Variants in RIMBP2 observed in about 807,000 individuals in gnomAD.
RIMBP2 encodes RIMS binding protein 2.
In RIMBP2, 48 loss-of-function variants were observed where a neutral mutation model predicts 118.6. The observed-to-expected ratio is 0.40, with a 90% CI of 0.32 to 0.51. The LOEUF (loss-of-function observed/expected upper bound fraction) is 0.51, where lower values mean the gene tolerates loss of function less well. RIMBP2 is among the 20% of genes least tolerant of loss of function. RIMBP2 has a pLI of 0.41. For missense variants in RIMBP2, 1,551 were observed against 1,768.3 expected, an observed-to-expected ratio of 0.88 and a Z score of 2.20; for synonymous variants, 762 against 742.9, an observed-to-expected ratio of 1.03 and a Z score of -0.42.
At chr12:130,435,572 G>A (rs553083648) in intron 13 of RIMBP2, among the ~76,000 whole-genome samples, 12 of 152,250 alleles carry the variant, frequency 7.9e-5, no homozygotes, top group African/African-American at 2.4e-4. Context: ...CTGCTACCCC[G>A]TCCTGCCCAC....
intron 2 of RIMBP2, among the ~76,000 whole-genome samples, chr12:130,568,695 G>A (rs1435916098): frequency 6.6e-6 from 1 of 152,184 alleles, no homozygotes; most frequent in Non-Finnish European, 1.5e-5. Context: ...TTTGCTTTGA[G>A]ACATCTGTTG....
In RIMBP2 at chr12:130,710,621, TA is replaced by T. The variant is rs140229303; in HGVS notation, c.-352+5600del. Among the ~76,000 whole-genome samples, 1,245 of 152,204 alleles carry T rather than the reference TA, an allele frequency of 8.2e-3. 15 individuals carry two copies. The highest frequency in any genetic ancestry group is 0.028 in the African/African-American group (1,153 of 41,524). On this transcript the variant is annotated intron_variant, in intron 1 of 22. Transcript: ENST00000690449. The surrounding 1 kb of genome is among the most constrained non-coding windows in gnomAD (Gnocchi z 4.3). ...CCTGCCTTCCTGGGTCCCACACAGATAGAGAAGTGGCAGGTGCTGCACCTCC... is the reference window on the plus strand; with the variant it reads ...CCTGCCTTCCTGGGTCCCACACAGATGAGAAGTGGCAGGTGCTGCACCTCC...
chr12:130,419,161 C>A lies in RIMBP2; in HGVS notation c.3238+3292G>T, dbSNP rs191222725. ...TGTCCATGGAAACTTGGCTTCACTGCAGACTGGACTGGGCAGTTGGGGGTC... is the reference window on the plus strand; with the variant it reads ...TGTCCATGGAAACTTGGCTTCACTGAAGACTGGACTGGGCAGTTGGGGGTC... On this transcript the variant is annotated intron_variant, in intron 17 of 22. Coordinates refer to ENST00000690449, the MANE Select transcript of RIMBP2 (RefSeq NM_001393629.1). This position sits in a 1 kb window ranked among gnomAD's most constrained non-coding sequence, Gnocchi z 4.3. Among the ~76,000 whole-genome samples, 6 of 152,300 alleles carry A rather than the reference C, an allele frequency of 3.9e-5. No individual in the cohort carries two copies. Among genetic ancestry groups the A allele is most frequent in the Admixed American group, 3.9e-4 (6 of 15,298 alleles).
chr12:130,574,266 T>TGG (rs150753203), intron 2 of RIMBP2, among the ~76,000 whole-genome samples: 2 of 151,930 alleles, frequency 1.3e-5, no homozygotes, highest in East Asian at 1.9e-4. Flanking sequence ...GCTGTCCTGT[T>TGG]GGGGGGGTGG....
chr12:130,433,940 T>C (rs1211246533), intron 14 of RIMBP2, among the ~76,000 whole-genome samples: 3 of 152,218 alleles, frequency 2.0e-5, no homozygotes, highest in Non-Finnish European at 2.9e-5. Flanking sequence ...CTGAACGATT[T>C]GGATCTTCCA....
chr12:130,555,050 G>C (rs2056212271), intron 2 of RIMBP2, among the ~76,000 whole-genome samples: 1 of 152,176 alleles, frequency 6.6e-6, no homozygotes, highest in South Asian at 2.1e-4. Context: ...CTGTGAAGTA[G>C]GTGCCATCAT....
chr12:130,656,169 C>A (rs932026779), intron 1 of RIMBP2, among the ~76,000 whole-genome samples: 4 of 152,142 alleles, frequency 2.6e-5, no homozygotes, highest in Admixed American at 2.6e-4. Context: ...AGAGAGCGAG[C>A]CTCGGTTTGT....
intron 2 of RIMBP2, among the ~76,000 whole-genome samples, chr12:130,555,533 T>C (rs2056266644): frequency 6.6e-6 from 1 of 152,116 alleles, no homozygotes; most frequent in African/African-American, 2.4e-5. Flanking sequence ...AGAAATATGA[T>C]TATATTATTA....
chr12:130,574,681 C>T (rs556096312), intron 2 of RIMBP2, among the ~76,000 whole-genome samples: 1 of 152,172 alleles, frequency 6.6e-6, no homozygotes, highest in East Asian at 1.9e-4. Context: ...AACAGTGGTC[C>T]CTGGCTTTTC....
intron 20 of RIMBP2, among the ~76,000 whole-genome samples, chr12:130,407,454 G>A (rs1443276564): frequency 6.6e-6 from 1 of 152,194 alleles, no homozygotes; most frequent in Non-Finnish European, 1.5e-5. Context: ...ATTAGATGTG[G>A]ATGACAGATT....
chr12:130,630,011 A>G (rs2061896656), intron 1 of RIMBP2, among the ~76,000 whole-genome samples: 1 of 150,476 alleles, frequency 6.6e-6, no homozygotes, highest in African/African-American at 2.4e-5. Context: ...TCTAACAAGT[A>G]TCTTCAGAAA....
chr12:130,428,203 G>A lies in RIMBP2; in HGVS notation c.2388C>T (p.Ser796=), dbSNP rs147508206. The A allele has an allele frequency of 2.4e-5, 39 of 1,611,994 alleles. No homozygotes were observed. The highest frequency in any genetic ancestry group is 2.7e-5 in the African/African-American group (2 of 74,868). Residue 796 remains serine (S), a synonymous_variant, in exon 15 of 23, where the codon AGC becomes AGT. Coordinates refer to ENST00000690449, the MANE Select transcript of RIMBP2 (RefSeq NM_001393629.1). The part of the protein sequence containing the change: ...QLEDGGRRRP[S]GTSHNALKDC... Reference sequence around the variant, plus strand: ...CCTTGAGGGCATTGTGGGACGTGCCGCTGGGCCGCCTCCTTCCCCCATCTT... The same window carrying A: ...CCTTGAGGGCATTGTGGGACGTGCCACTGGGCCGCCTCCTTCCCCCATCTT...
At chr12:130,666,508 T>C (rs962648006) in intron 1 of RIMBP2, among the ~76,000 whole-genome samples, 1 of 152,178 alleles carries the variant, frequency 6.6e-6, no homozygotes, top group Non-Finnish European at 1.5e-5. Context: ...AAATTGTGAA[T>C]CACACTCAAT....
intron 1 of RIMBP2, among the ~76,000 whole-genome samples, chr12:130,634,189 A>G (rs932061659): frequency 2.6e-5 from 4 of 151,576 alleles, no homozygotes; most frequent in Non-Finnish European, 4.4e-5. Flanking sequence ...CCCCTGATCA[A>G]CTCTCCTGGA....
At chr12:130,609,239 T>C (rs2060362080) in intron 2 of RIMBP2, among the ~76,000 whole-genome samples, 1 of 152,086 alleles carries the variant, frequency 6.6e-6, no homozygotes, top group Non-Finnish European at 1.5e-5. Flanking sequence ...CAAAGCTGTC[T>C]GCCCCCCCAC....
intron 6 of RIMBP2, among the ~76,000 whole-genome samples, chr12:130,458,824 C>T (rs567099217): frequency 6.6e-6 from 1 of 152,228 alleles, no homozygotes; most frequent in South Asian, 2.1e-4. Flanking sequence ...GTGGGCGGAT[C>T]ACCTGAGCTC....
intron 4 of RIMBP2, among the ~76,000 whole-genome samples, chr12:130,485,905 C>T (rs1381355795): frequency 6.6e-6 from 1 of 152,184 alleles, no homozygotes; most frequent in Non-Finnish European, 1.5e-5. Context: ...CAAGTCCGTA[C>T]AAAGCAGCTG....
intron 2 of RIMBP2, among the ~76,000 whole-genome samples, chr12:130,580,575 A>C (rs113242968): frequency 0.016 from 2,435 of 152,344 alleles, 66 homozygotes; most frequent in African/African-American, 0.056. Flanking sequence ...AGAACAGACT[A>C]ATACATCGGC....
rs539011580 is a variant in RIMBP2, at chr12:130,628,892, T to G, written c.-351-436A>C. The stretch of plus-strand genomic sequence containing the variant: ...TCCTTAATTATCAAGATGTGACTGA[T>G]GCCCAGCCGATGACAGAAAGAGTTA... On this transcript the variant is annotated intron_variant, in intron 1 of 22. Coordinates refer to ENST00000690449, the MANE Select transcript of RIMBP2 (RefSeq NM_001393629.1). 4.6e-5 allele frequency among the ~76,000 whole-genome samples: 7 copies of G among 152,330 alleles called. No homozygotes were observed. In the East Asian group the frequency reaches 1.3e-3, roughly 29 times the overall value.
Sources: allele counts gnomAD v4.1 joint callset (sites outside exome capture counted in the v4.1 genomes callset), GRCh38; gene constraint gnomAD v4.1.1; non-coding constraint Gnocchi (gnomAD v3.1); transcripts MANE v1.5; gene names NCBI Gene and HGNC (gene_info 2026-07-23, HGNC 2026-07-21).